The following CCDC102B variants were observed in gnomAD, a reference collection of about 807,000 sequenced individuals.
The protein encoded by CCDC102B is coiled-coil domain-containing protein 102B.
In CCDC102B, 75 loss-of-function variants were observed where a neutral mutation model predicts 57.4. The ratio of observed to expected loss-of-function variants is 1.31; its 90% CI spans 1.08 to 1.58. CCDC102B has a LOEUF of 1.58. Ranked by LOEUF, CCDC102B falls within the 40% of genes most tolerant of loss-of-function variation. The probability of loss-of-function intolerance (pLI) is 0.00; values close to 1 mark genes in which losing one functional copy is unlikely to be tolerated. For synonymous variants in CCDC102B, 206 were observed against 201.9 expected, an observed-to-expected ratio of 1.02 and a Z score of -0.17; for missense variants, 636 against 582.6, an observed-to-expected ratio of 1.09 and a Z score of -0.94.
chr18:68,909,018 A>G (rs1028734538), intron 6 of CCDC102B, among the ~76,000 whole-genome samples: 2 of 151,888 alleles, frequency 1.3e-5, no homozygotes, highest in Non-Finnish European at 2.9e-5. Context: ...AAACTAGACT[A>G]TCCACAGTGA....
Position 68,911,006 on chromosome 18 carries a change from C to T in CCDC102B, c.1263+13578C>T, listed in dbSNP as rs113063718. 6.8e-3 allele frequency among the ~76,000 whole-genome samples: 1,028 copies of T among 151,954 alleles called. 14 individuals are homozygous for T. The highest frequency in any genetic ancestry group is 0.022 in the African/African-American group (922 of 41,438). ...TTGGTGGGAGTGTAAATGAGTTCAA[C>T]TGTTGTGGAAAGCAGTGTGGTGATT... On this transcript the variant is annotated intron_variant, in intron 6 of 7. Coordinates refer to ENST00000360242, the MANE Select transcript of CCDC102B (RefSeq NM_024781.3).
At chr18:68,928,834 G>A (rs1424949808) in intron 6 of CCDC102B, among the ~76,000 whole-genome samples, 1 of 151,816 alleles carries the variant, frequency 6.6e-6, no homozygotes, top group Non-Finnish European at 1.5e-5. Flanking sequence ...TTTAAAGAGG[G>A]GGGACAATGG....
chr18:68,788,753 A>G (rs1398010594), intron 2 of CCDC102B, among the ~76,000 whole-genome samples: 1 of 151,528 alleles, frequency 6.6e-6, no homozygotes, highest in African/African-American at 2.4e-5. Flanking sequence ...TCCTGAATAC[A>G]GCACACTGAT....
chr18:68,758,788 G>A (rs2034144511), intron 2 of CCDC102B, among the ~76,000 whole-genome samples: 1 of 151,498 alleles, frequency 6.6e-6, no homozygotes, highest in African/African-American at 2.4e-5. Flanking sequence ...ACGAGGCAGA[G>A]GGGTTATATG....
chr18:68,995,151 G>C (rs1042666211), intron 6 of CCDC102B, among the ~76,000 whole-genome samples: 1 of 152,188 alleles, frequency 6.6e-6, no homozygotes, highest in South Asian at 2.1e-4. Flanking sequence ...CTAAAGATCT[G>C]TGGAACTTTG....
rs1417199521 is a variant in CCDC102B at position 68,933,068 on chromosome 18, TTAAA to T, written c.1263+35643_1263+35646del. Among the ~76,000 whole-genome samples, 14 of 150,592 alleles carry T rather than the reference TTAAA, an allele frequency of 9.3e-5. No individual in the cohort carries two copies. The East Asian group carries it at 1.6e-3, about 17-fold the overall frequency. The stretch of plus-strand genomic sequence containing the variant: ...TTACAATTTCCTCTGCTCTAAACAC[TTAAA>T]TAGTGTTATTTTATTTACTCCTCAT... On this transcript the variant is annotated intron_variant, in intron 6 of 7. Transcript: ENST00000360242.
chr18:69,031,619 TG>T (rs1018563787), intron 7 of CCDC102B, among the ~76,000 whole-genome samples: 3 of 152,166 alleles, frequency 2.0e-5, no homozygotes, highest in African/African-American at 7.2e-5. Flanking sequence ...GTTACTAATT[TG>T]TTTTTTTCTT....
At chr18:68,888,117 AT>A (rs1343459097) in intron 5 of CCDC102B, among the ~76,000 whole-genome samples, 1 of 152,214 alleles carries the variant, frequency 6.6e-6, no homozygotes, top group African/African-American at 2.4e-5. Flanking sequence ...TGATTTTAAC[AT>A]TTATTAAAGT....
At chr18:68,888,654 G>C (rs1394082696) in intron 5 of CCDC102B, among the ~76,000 whole-genome samples, 1 of 152,104 alleles carries the variant, frequency 6.6e-6, no homozygotes, top group Admixed American at 6.5e-5. Flanking sequence ...ACCACTGACT[G>C]ACAGACTAGA....
chr18:68,884,516 T>C (rs550847977), intron 5 of CCDC102B, among the ~76,000 whole-genome samples: 1 of 151,304 alleles, frequency 6.6e-6, no homozygotes, highest in East Asian at 1.9e-4. Flanking sequence ...GGGACATTGT[T>C]GGGGATGACG....
intron 3 of CCDC102B, among the ~76,000 whole-genome samples, chr18:68,841,238 C>T (rs1478174983): frequency 1.3e-5 from 2 of 152,080 alleles, no homozygotes; most frequent in African/African-American, 4.8e-5. Context: ...TCTGCATTCC[C>T]ATCTAGTGGG....
At chr18:68,829,318 C>T (rs2037048907) in intron 1 of CCDC102B, among the ~76,000 whole-genome samples, 1 of 151,902 alleles carries the variant, frequency 6.6e-6, no homozygotes, top group Admixed American at 6.6e-5. Flanking sequence ...TGGATATACG[C>T]ACAGGTATAG....
At chr18:68,970,335 A>G (rs1030083298) in intron 6 of CCDC102B, among the ~76,000 whole-genome samples, 1 of 152,074 alleles carries the variant, frequency 6.6e-6, no homozygotes. Context: ...ATTGAATTAG[A>G]AGTAGCATAA....
intron 6 of CCDC102B, among the ~76,000 whole-genome samples, chr18:68,948,508 G>A (rs989378686): frequency 2.0e-5 from 3 of 151,908 alleles, no homozygotes; most frequent in Non-Finnish European, 2.9e-5. Flanking sequence ...AAAAATCAAT[G>A]AAACATTGAA....
At chr18:69,001,823 G>C (rs375030157) in intron 6 of CCDC102B, among the ~76,000 whole-genome samples, 108 of 152,288 alleles carry the variant, frequency 7.1e-4, no homozygotes, top group African/African-American at 2.5e-3. Flanking sequence ...AAGGAGAAAT[G>C]ATATCTCAGA....
At chr18:68,720,819 T>C (rs1431335345) in intron 2 of CCDC102B, among the ~76,000 whole-genome samples, 2 of 152,116 alleles carry the variant, frequency 1.3e-5, no homozygotes, top group Non-Finnish European at 2.9e-5. Context: ...CACACCTTAG[T>C]CTCAGCACAT....
At chr18:68,789,658 C>T (rs1475933773) in intron 2 of CCDC102B, among the ~76,000 whole-genome samples, 5 of 145,650 alleles carry the variant, frequency 3.4e-5, no homozygotes, top group Admixed American at 1.4e-4. Flanking sequence ...ACGTAGTTCT[C>T]GAGCCTTGGT....
intron 6 of CCDC102B, among the ~76,000 whole-genome samples, chr18:68,951,591 T>C (rs988972546): frequency 6.6e-6 from 1 of 152,028 alleles, no homozygotes; most frequent in East Asian, 1.9e-4. Context: ...GGGGATCACT[T>C]GAGGTCAAGG....
chr18:68,936,534 T>C (rs1274848494), intron 6 of CCDC102B, among the ~76,000 whole-genome samples: 5 of 152,018 alleles, frequency 3.3e-5, no homozygotes, highest in Non-Finnish European at 4.4e-5. Context: ...TTATTTTTCC[T>C]TGTATTACCT....
Sources: allele counts gnomAD v4.1 joint callset (sites outside exome capture counted in the v4.1 genomes callset), GRCh38; gene constraint gnomAD v4.1.1; transcripts MANE v1.5; gene names NCBI Gene and HGNC (gene_info 2026-07-23, HGNC 2026-07-21).